SETD1A: variants seen among roughly 807,000 people sequenced by gnomAD.
SETD1A encodes SET domain containing 1A, histone lysine methyltransferase.
Under a neutral mutation model 149.9 loss-of-function variants are expected in SETD1A, and 29 were observed. The ratio of observed to expected loss-of-function variants is 0.19; its 90% CI spans 0.14 to 0.26. The LOEUF (loss-of-function observed/expected upper bound fraction) is 0.26. Ranked by LOEUF, SETD1A falls within the 10% of genes least tolerant of loss-of-function variation. The probability of loss-of-function intolerance (pLI) is 1.00; values close to 1 mark genes in which losing one functional copy is unlikely to be tolerated. For synonymous variants in SETD1A, 1,141 were observed against 968.5 expected (o/e 1.18, Z -3.31); for missense variants, 2,109 against 2,353.1 (o/e 0.90, Z 2.15).
At position 30,966,236 on chromosome 16, in the gene SETD1A, C is replaced by G. The variant is rs145939317; in HGVS notation, c.2355C>G (p.Leu785=). The G allele has an allele frequency of 6.2e-6, 10 of 1,613,778 alleles. No individual in the cohort carries two copies. The highest frequency in any genetic ancestry group is 8.5e-6 in the Non-Finnish European group (10 of 1,179,990). ...EEAELAEGKT[L]PTAGTVGRVL... ...CAGAGCTGGCAGAGGGCAAGACCCT[C>G]CCGACAGCAGGCACCGTGGGCCGTG... The change falls in exon 8 of 19, where the codon CTC becomes CTG. Residue 785 remains leucine, a synonymous_variant. Coordinates refer to ENST00000262519, the MANE Select transcript of SETD1A (RefSeq NM_014712.3).
rs561175987 is a variant in SETD1A at position 30,967,488 on chromosome 16, C to T, written c.2683-13C>T. On this transcript the variant is annotated splice_polypyrimidine_tract_variant and intron_variant, in intron 9 of 18. Transcript: ENST00000262519. ...GAGCTCTAAACAGGCCCCATCTTTTCCCCATCCCCCAGGTAAAGCGGAAAG... is the reference window on the plus strand; with the variant it reads ...GAGCTCTAAACAGGCCCCATCTTTTTCCCATCCCCCAGGTAAAGCGGAAAG... 2.5e-6 allele frequency: 4 copies of T among 1,613,420 alleles called. No individual in the cohort carries two copies. Among genetic ancestry groups the T allele is most frequent in the African/African-American group, 1.3e-5 (1 of 75,014 alleles).
At position 30,969,469 on chromosome 16, in the gene SETD1A, G is replaced by T. The variant is rs377206025; in HGVS notation, c.2928+7G>T. 360 of 1,604,982 alleles carry T rather than the reference G, an allele frequency of 2.2e-4. No individual in the cohort carries two copies. The highest frequency in any genetic ancestry group is 2.9e-4 in the Non-Finnish European group (339 of 1,175,352). On this transcript the variant is annotated splice_region_variant and intron_variant, in intron 11 of 18. Coordinates refer to ENST00000262519, the MANE Select transcript of SETD1A (RefSeq NM_014712.3). ...GGAGTCCTCCTCGGAGAAGGTGAGG[G>T]CCCGGGCGCCGGCTCCTGGCCGAAG...
Position 30,984,310 on chromosome 16 carries a change from C to G in SETD1A, c.*287C>G. The G allele has an allele frequency of 4.5e-6, 2 of 446,852 alleles. No homozygotes were observed. Among genetic ancestry groups the G allele is most frequent in the Non-Finnish European group, 8.2e-6 (2 of 244,572 alleles). The allele number at this position is 446,852 out of a possible 1,614,324, so 27.7% of individuals were successfully genotyped here. ...TCCTGTGGAAACCTGGGGTGCCGGC[C>G]TGTACAGATTCTGTCCTGGGGGGCT... On this transcript the variant is annotated 3_prime_UTR_variant, in exon 19 of 19. Coordinates refer to ENST00000262519, the MANE Select transcript of SETD1A (RefSeq NM_014712.3).
At chr16:30,972,100 A>G (rs908134278) in intron 13 of SETD1A, among the ~76,000 whole-genome samples, 3 of 152,250 alleles carry the variant, frequency 2.0e-5, no homozygotes, top group Non-Finnish European at 4.4e-5. Context: ...AAGTATTAAC[A>G]TAACACAGAA....
chr16:30,960,617 G>A (rs1051936413), intron 3 of SETD1A, among the ~76,000 whole-genome samples: 3 of 151,874 alleles, frequency 2.0e-5, no homozygotes, highest in Non-Finnish European at 2.9e-5. Flanking sequence ...TGTATTTCCA[G>A]TGCCTCGTTC....
In SETD1A at chr16:30,979,899, AGAG is replaced by A. The variant is rs763341074; in HGVS notation, c.4123_4125del (p.Glu1375del). ...AGGAGGGGGAGGAAGAGGGGGAGGA[AGAG>A]GAGGAGGAGTCCTCTGACAGCAGCA... On this transcript the variant is annotated inframe_deletion, in exon 14 of 19. Transcript: ENST00000262519. The A allele has an allele frequency of 3.1e-5, 47 of 1,534,216 alleles. No homozygotes were observed. Among genetic ancestry groups the A allele is most frequent in the Admixed American group, 5.9e-5 (3 of 50,886 alleles).
rs1278989844 is a variant in SETD1A at position 30,979,985 on chromosome 16, G to C, written c.4199G>C (p.Arg1400Pro). ...RRRSLRSHAR[R>P]RRPPPPPPPP... is the part of the protein sequence containing the mutation. Reference sequence around the variant, plus strand: ...CGCAGCCTCCGCTCCCACGCCCGGCGCCGCCGCCCTCCGCCCCCACCCCCG... The same window carrying C: ...CGCAGCCTCCGCTCCCACGCCCGGCCCCGCCGCCCTCCGCCCCCACCCCCG... The change falls in exon 14 of 19, where the codon CGC becomes CCC. Residue 1400 changes from arginine to proline, a missense_variant. By Grantham distance (103) the Arg-to-Pro change is moderately radical (BLOSUM62 -2). This residue lies in a region of SETD1A where 832 missense variants were observed against 815.6 expected (regional missense o/e 1.02). Transcript: ENST00000262519. 3.3e-6 allele frequency: 5 copies of C among 1,501,954 alleles called. No homozygotes were observed. The highest frequency in any genetic ancestry group is 4.4e-6 in the Non-Finnish European group (5 of 1,130,898). 93.0% of individuals were successfully genotyped at this position (1,501,954 alleles called of 1,614,324 possible).
At chr16:30,964,402 C>T in intron 6 of SETD1A, 79 bp downstream of exon 6, 1 of 1,371,916 alleles carries the variant, frequency 7.3e-7, no homozygotes, top group Non-Finnish European at 1.0e-6. Flanking sequence ...CAGAGTCTGT[C>T]TCCAAGAGGG....
rs1192937946 is a variant in SETD1A, at chr16:30,982,149, A to C, written c.4812+969A>C. Among the ~76,000 whole-genome samples the C allele has an allele frequency of 2.6e-5, 4 of 152,152 alleles. No individual in the cohort carries two copies. The East Asian group carries it at 7.7e-4, about 29-fold the overall frequency. On this transcript the variant is annotated intron_variant, in intron 17 of 18. Coordinates refer to ENST00000262519, the MANE Select transcript of SETD1A (RefSeq NM_014712.3). ...CGCTTGGTTGCGAGACACCATGTGC[A>C]CAAACCTGGAGGCACGGTCGTCTTG...
intron 4 of SETD1A, among the ~76,000 whole-genome samples, chr16:30,962,007 A>G (rs1020479822): frequency 2.6e-5 from 4 of 151,620 alleles, no homozygotes; most frequent in Non-Finnish European, 5.9e-5. Flanking sequence ...ACCTGGCCAA[A>G]GTTTTTTTGA....
At chr16:30,962,403 T>C (rs192593602) in intron 4 of SETD1A, among the ~76,000 whole-genome samples, 3 of 152,268 alleles carry the variant, frequency 2.0e-5, no homozygotes, top group African/African-American at 2.4e-5. Context: ...ATAACCCATA[T>C]AGGTTTTGGT....
intron 12 of SETD1A, 142 bp downstream of exon 12, chr16:30,969,831 A>G (rs963293136): frequency 1.5e-6 from 1 of 681,490 alleles, no homozygotes; most frequent in Admixed American, 2.3e-5. Flanking sequence ...TTTGGGCCAC[A>G]TTCTTAGGAA....
chr16:30,975,478 G>C (rs1014641688), intron 13 of SETD1A, among the ~76,000 whole-genome samples: 1 of 138,712 alleles, frequency 7.2e-6, no homozygotes, highest in Non-Finnish European at 1.5e-5. Context: ...TTACCCAGCC[G>C]GGAGTGCAGT....
chr16:30,962,888 C>T (rs1243001618), intron 4 of SETD1A, among the ~76,000 whole-genome samples: 2 of 152,242 alleles, frequency 1.3e-5, no homozygotes, highest in East Asian at 1.9e-4. Context: ...GAGATTACAT[C>T]GTGCCACTGC....
chr16:30,964,151 G>A lies in SETD1A; in HGVS notation c.697G>A (p.Ala233Thr). ...AGCTGCCTACCCAGCAGGCACCACT[G>A]CGGTGGGCACTCCTGGCAACGGCAC... ...DTAAYPAGTT[A>T]VGTPGNGTPC... is the part of the protein sequence containing the mutation. Residue 233 changes from alanine to threonine, a missense_variant, in exon 6 of 19, where the codon GCG becomes ACG. Transcript: ENST00000262519. The A allele has an allele frequency of 3.1e-6, 5 of 1,614,086 alleles. No individual in the cohort carries two copies. The highest frequency in any genetic ancestry group is 4.2e-6 in the Non-Finnish European group (5 of 1,179,986).
In SETD1A at chr16:30,966,263, G is replaced by C. The variant is rs2056146313; in HGVS notation, c.2382G>C (p.Val794=). ...TLPTAGTVGR[V]LAMLVQEMKS... ...CGACAGCAGGCACCGTGGGCCGTGTGCTCGCCATGCTGGTCCAGGAGATGA... is the reference window on the plus strand; with the variant it reads ...CGACAGCAGGCACCGTGGGCCGTGTCCTCGCCATGCTGGTCCAGGAGATGA... The change falls in exon 8 of 19, where the codon GTG becomes GTC. Residue 794 remains valine, a synonymous_variant. Transcript: ENST00000262519. 2 of 1,613,806 alleles carry C rather than the reference G, an allele frequency of 1.2e-6. No individual in the cohort carries two copies. Among genetic ancestry groups the C allele is most frequent in the Non-Finnish European group, 1.7e-6 (2 of 1,180,026 alleles).
rs771480427 is a variant in SETD1A, at chr16:30,959,120, C to G, written c.180C>G (p.Leu60=). 6 of 1,613,708 alleles carry G rather than the reference C, an allele frequency of 3.7e-6. No homozygotes were observed. The African/African-American group carries it at 5.3e-5, about 14-fold the overall frequency. The part of the protein sequence containing the change: ...NDSKYIPVED[L]QDPRCHVRSK... Reference sequence around the variant, plus strand: ...CAAAGTATATACCAGTCGAAGACCTCCAAGACCCCCGTTGCCATGTCAGGT... The same window carrying G: ...CAAAGTATATACCAGTCGAAGACCTGCAAGACCCCCGTTGCCATGTCAGGT... Residue 60 remains leucine, a synonymous_variant, in exon 3 of 19, where the codon CTC becomes CTG. Transcript: ENST00000262519.
At position 30,958,340 on chromosome 16, in the gene SETD1A, G is replaced by C. The variant is rs570451712; in HGVS notation, c.-16+376G>C. On this transcript the variant is annotated intron_variant, in intron 1 of 18. Transcript: ENST00000262519. ...AGGATCGGGGCGCGGGGAGGAGAGCGGGTGTGTGGGAGCCGTGGCCGGGCT... is the reference window on the plus strand; with the variant it reads ...AGGATCGGGGCGCGGGGAGGAGAGCCGGTGTGTGGGAGCCGTGGCCGGGCT... The C allele has an allele frequency of 2.3e-3, 402 of 172,078 alleles. 1 individual carries two copies. The highest frequency in any genetic ancestry group is 8.1e-3 in the African/African-American group (338 of 41,612). 10.7% of individuals were successfully genotyped at this position (172,078 alleles called of 1,614,324 possible).
chr16:30,959,268 G>A (rs2056012930), intron 3 of SETD1A, 82 bp downstream of exon 3: 1 of 939,532 alleles, frequency 1.1e-6, no homozygotes, highest in South Asian at 1.3e-5. Flanking sequence ...GAATAAAAGG[G>A]TTTCCAATGA....
Sources: gnomAD v4.1 joint callset for allele counts (sites outside exome capture counted in the v4.1 genomes callset) on GRCh38, gnomAD v4.1.1 for gene constraint, gnomAD v4.1.1 regional missense constraint, MANE v1.5 for transcripts, NCBI Gene and HGNC (gene_info 2026-07-23, HGNC 2026-07-21) for gene names.